The following TBC1D30 variants were observed in gnomAD, a reference collection of about 807,000 sequenced individuals.
TBC1D30 encodes the protein TBC1 domain family, member 30.
A neutral mutation model predicts 63.2 loss-of-function variants in TBC1D30; 31 were observed. The observed-to-expected ratio is 0.49, with a 90% CI of 0.37 to 0.66. TBC1D30 has a LOEUF of 0.66. TBC1D30 is among the 30% of genes least tolerant of loss of function. The pLI, the probability that TBC1D30 is intolerant of heterozygous loss-of-function variation, is 0.00. For missense variants in TBC1D30, 810 were observed against 953.6 expected, an observed-to-expected ratio of 0.85 and a Z score of 1.98; for synonymous variants, 307 against 361.5, an observed-to-expected ratio of 0.85 and a Z score of 1.71.
intron 2 of TBC1D30, among the ~76,000 whole-genome samples, chr12:64,811,709 T>C (rs889525382): frequency 6.6e-6 from 1 of 152,228 alleles, no homozygotes; most frequent in Admixed American, 6.5e-5. Context: ...CATGAGATTT[T>C]TTTGTTAACT....
intron 7 of TBC1D30, among the ~76,000 whole-genome samples, chr12:64,842,820 A>G (rs748219114): frequency 2.0e-5 from 3 of 150,738 alleles, no homozygotes; most frequent in Non-Finnish European, 4.4e-5. Context: ...CATGGAAGCA[A>G]TAAAGATGCC....
intron 2 of TBC1D30, among the ~76,000 whole-genome samples, chr12:64,803,711 A>C (rs1379834720): frequency 1.3e-5 from 2 of 152,172 alleles, no homozygotes; most frequent in Non-Finnish European, 2.9e-5. Context: ...TCAGCTTTCT[A>C]CATATGGCTA....
At chr12:64,803,390 G>A (rs1218012037) in intron 2 of TBC1D30, among the ~76,000 whole-genome samples, 1 of 152,150 alleles carries the variant, frequency 6.6e-6, no homozygotes, top group African/African-American at 2.4e-5. Context: ...TGTAGATTCT[G>A]GATATTAGCC....
intron 6 of TBC1D30, among the ~76,000 whole-genome samples, chr12:64,838,250 A>T (rs1294921680): frequency 6.6e-6 from 1 of 152,216 alleles, no homozygotes; most frequent in Non-Finnish European, 1.5e-5. Flanking sequence ...TAACTTAAGA[A>T]GTTGGTAGAT....
chr12:64,875,253 G>T lies in TBC1D30; in HGVS notation c.1751G>T (p.Gly584Val). 1 of 1,536,324 alleles carries T rather than the reference G, an allele frequency of 6.5e-7. No homozygotes were observed. Residue 584 changes from glycine (G) to valine (V), a missense_variant, in exon 12 of 12, where the codon GGC becomes GTC. Physicochemically the swap from Gly to Val is moderately radical, Grantham distance 109 (BLOSUM62 -3). Transcript: ENST00000539867. ...KNMPRTKSHP[G>V]CGDTVGLIDE... ...ATGCCAAGGACCAAGAGTCATCCGG[G>T]CTGTGGGGACACCGTAGGGCTGATA... is the stretch of plus-strand genomic sequence containing the variant.
intron 2 of TBC1D30, among the ~76,000 whole-genome samples, chr12:64,811,828 A>G (rs192241936): frequency 6.6e-6 from 1 of 152,308 alleles, no homozygotes; most frequent in Admixed American, 6.5e-5. Context: ...AATGATGGAC[A>G]TTTTGTTCAG....
At chr12:64,782,351 A>G (rs1871339377) in intron 1 of TBC1D30, among the ~76,000 whole-genome samples, 1 of 150,834 alleles carries the variant, frequency 6.6e-6, no homozygotes, top group Non-Finnish European at 1.5e-5. Context: ...AGACCTACGT[A>G]AACAGCTTTT....
chr12:64,814,076 G>T (rs891242865), intron 2 of TBC1D30, among the ~76,000 whole-genome samples: 1 of 151,992 alleles, frequency 6.6e-6, no homozygotes, highest in African/African-American at 2.4e-5. Context: ...TTGAGATAGG[G>T]TCTGGCTCTG....
intron 4 of TBC1D30, 59 bp downstream of exon 4, chr12:64,830,561 T>C: frequency 7.1e-7 from 1 of 1,418,292 alleles, no homozygotes; most frequent in South Asian, 1.6e-5. Context: ...TAAAAGCCAG[T>C]TGCTTTTTGG....
At chr12:64,809,107 A>G (rs1271254144) in intron 2 of TBC1D30, among the ~76,000 whole-genome samples, 2 of 152,128 alleles carry the variant, frequency 1.3e-5, no homozygotes, top group Admixed American at 1.3e-4. Flanking sequence ...CTTTTTGTGA[A>G]TTTTATTTAA....
rs774145443 is a variant in TBC1D30, at chr12:64,807,918, G to GTTTTTT, written c.644-19905_644-19900dup. 7.4e-3 allele frequency among the ~76,000 whole-genome samples: 692 copies of GTTTTTT among 93,452 alleles called. 97 individuals carry two copies. The highest frequency in any genetic ancestry group is 0.036 in the African/African-American group (651 of 18,074). The allele number at this position is 93,452 out of a possible 152,430, so 61.3% of individuals were successfully genotyped here. A position where few individuals can be genotyped will look rare whatever the true frequency, so the allele number is the denominator to read the frequency against. On this transcript the variant is annotated intron_variant, in intron 2 of 12. Transcript: ENST00000542120. ...GCCCATGCCACCCTGCCTAATTTAA[G>GTTTTTT]TTTTTTTTTTTTTTTTTGTAGAGCT... is the stretch of plus-strand genomic sequence containing the variant.
chr12:64,843,549 C>A, intron 8 of TBC1D30, 64 bp downstream of exon 8: 3 of 1,238,514 alleles, frequency 2.4e-6, no homozygotes, highest in Non-Finnish European at 2.3e-6. Context: ...ACAACCAGTG[C>A]CAGAGCAGCG....
Position 64,827,170 on chromosome 12 carries a change from C to A in TBC1D30, c.155-665C>A, listed in dbSNP as rs535460599. ...GCAATAATTCCTTTAAAAAATGGGG[C>A]CGGGTGCCGTGGCTCATGTCTGTAA... On this transcript the variant is annotated intron_variant, in intron 1 of 11. Coordinates refer to ENST00000539867, the MANE Select transcript of TBC1D30 (RefSeq NM_015279.2). Among the ~76,000 whole-genome samples, 526 of 152,238 alleles carry A rather than the reference C, an allele frequency of 3.5e-3. 4 individuals are homozygous for A. Among genetic ancestry groups the A allele is most frequent in the African/African-American group, 0.012 (499 of 41,524 alleles).
At position 64,839,612 on chromosome 12, in the gene TBC1D30, G is replaced by C. The variant is rs192326274; in HGVS notation, c.932+761G>C. On this transcript the variant is annotated intron_variant, in intron 7 of 11. Coordinates refer to ENST00000539867, the MANE Select transcript of TBC1D30 (RefSeq NM_015279.2). ...ATGTCACAAAACTAGTAAATCACTG[G>C]CACTGTTTTGTTTCAAAAACCTTTT... Among the ~76,000 whole-genome samples the C allele has an allele frequency of 2.5e-3, 374 of 152,226 alleles. 4 individuals are homozygous for C. The highest frequency in any genetic ancestry group is 7.2e-3 in the African/African-American group (297 of 41,524).
chr12:64,868,913 T>A (rs1382212445), intron 10 of TBC1D30, among the ~76,000 whole-genome samples: 1 of 152,188 alleles, frequency 6.6e-6, no homozygotes, highest in Non-Finnish European at 1.5e-5. Context: ...CCTCTAGATA[T>A]CCTGTAATTT....
Position 64,875,110 on chromosome 12 carries a change from T to C in TBC1D30, c.1608T>C (p.Asn536=). 1.3e-6 allele frequency: 2 copies of C among 1,536,544 alleles called. No individual in the cohort carries two copies. Among genetic ancestry groups the C allele is most frequent in the Non-Finnish European group, 8.7e-7 (1 of 1,146,968 alleles). The part of the protein sequence containing the change: ...KMKMTNRAAK[N]AVIHIPGHTG... ...AAATGACTAACAGAGCTGCCAAGAATGCTGTCATCCACATCCCTGGTCACA... is the reference window on the plus strand; with the variant it reads ...AAATGACTAACAGAGCTGCCAAGAACGCTGTCATCCACATCCCTGGTCACA... Residue 536 remains asparagine (N), a synonymous_variant, in exon 12 of 12, where the codon AAT becomes AAC. Coordinates refer to ENST00000539867, the MANE Select transcript of TBC1D30 (RefSeq NM_015279.2).
chr12:64,784,634 A>G (rs1325342075), intron 1 of TBC1D30, among the ~76,000 whole-genome samples: 1 of 151,468 alleles, frequency 6.6e-6, no homozygotes, highest in East Asian at 1.9e-4. Flanking sequence ...CTCCTCCCAA[A>G]TCGTAATGAT....
intron 5 of TBC1D30, among the ~76,000 whole-genome samples, chr12:64,833,629 T>C (rs1327591492): frequency 6.6e-6 from 1 of 152,182 alleles, no homozygotes; most frequent in Admixed American, 6.5e-5. Flanking sequence ...TAAACAAATG[T>C]TCCTCTTGGT....
intron 8 of TBC1D30, among the ~76,000 whole-genome samples, chr12:64,857,201 G>A (rs1325308703): frequency 6.6e-6 from 1 of 152,034 alleles, no homozygotes; most frequent in Non-Finnish European, 1.5e-5. Context: ...AAATATGCTG[G>A]GTCTCCCCTG....
Sources: allele counts gnomAD v4.1 joint callset (sites outside exome capture counted in the v4.1 genomes callset), GRCh38; gene constraint gnomAD v4.1.1; transcripts MANE v1.5; gene names NCBI Gene and HGNC (gene_info 2026-07-23, HGNC 2026-07-21).